Variants in EDIL3 observed in about 807,000 individuals in gnomAD.
EDIL3 encodes EGF like and discoidin domains 3.
Under a neutral mutation model 67.4 loss-of-function variants are expected in EDIL3, and 37 were observed. The observed-to-expected ratio is 0.55, with a 90% CI of 0.42 to 0.72. The LOEUF (loss-of-function observed/expected upper bound fraction) is 0.72, where lower values mean the gene tolerates loss of function less well. Among genes scored for constraint, EDIL3 ranks in the 30% least tolerant of loss-of-function variants. The probability of loss-of-function intolerance (pLI) is 0.00; values close to 1 mark genes in which losing one functional copy is unlikely to be tolerated. For missense variants in EDIL3, 527 were observed against 586.3 expected, an observed-to-expected ratio of 0.90 and a Z score of 1.04; for synonymous variants, 195 against 196.3, an observed-to-expected ratio of 0.99 and a Z score of 0.05.
At chr5:84,060,254 A>G in intron 9 of EDIL3, 46 bp downstream of exon 9, 2 of 1,593,380 alleles carry the variant, frequency 1.3e-6, no homozygotes, top group Non-Finnish European at 1.7e-6. Context: ...GAAATCTTCT[A>G]AGAAAGAGGA....
At chr5:84,218,957 T>C (rs948562674) in intron 3 of EDIL3, among the ~76,000 whole-genome samples, 11 of 152,208 alleles carry the variant, frequency 7.2e-5, no homozygotes, top group African/African-American at 2.7e-4. Flanking sequence ...GACACAAGCC[T>C]GGCTGGCTTT....
At chr5:84,133,830 T>C (rs1453340144) in intron 5 of EDIL3, among the ~76,000 whole-genome samples, 1 of 151,934 alleles carries the variant, frequency 6.6e-6, no homozygotes, top group Non-Finnish European at 1.5e-5. Context: ...TAAAAAAGAA[T>C]TGAGATCTTC....
chr5:84,004,332 C>A (rs867083568), intron 9 of EDIL3, among the ~76,000 whole-genome samples: 3 of 152,004 alleles, frequency 2.0e-5, no homozygotes, highest in Non-Finnish European at 1.5e-5. Context: ...ACCTAACAGA[C>A]AACTGTAGAA....
intron 4 of EDIL3, among the ~76,000 whole-genome samples, chr5:84,146,080 G>A (rs944299606): frequency 6.6e-6 from 1 of 151,978 alleles, no homozygotes; most frequent in Non-Finnish European, 1.5e-5. Flanking sequence ...TCTACATAAG[G>A]TTTAATAATA....
intron 3 of EDIL3, chr5:84,181,066 T>C (rs1749004387): frequency 1.3e-5 from 2 of 152,164 alleles, no homozygotes. Context: ...GCTGCAAAGC[T>C]TTTATAGAGT....
chr5:84,055,246 G>A (rs1189324387), intron 9 of EDIL3, among the ~76,000 whole-genome samples: 1 of 146,446 alleles, frequency 6.8e-6, no homozygotes, highest in Non-Finnish European at 1.5e-5. Context: ...TGGGAAAACT[G>A]GCTAGCCATA....
At chr5:84,276,745 TTTA>T (rs1745589973) in intron 1 of EDIL3, among the ~76,000 whole-genome samples, 1 of 152,004 alleles carries the variant, frequency 6.6e-6, no homozygotes, top group South Asian at 2.1e-4. Context: ...AATTTTTTTT[TTTA>T]TTTTTAGTAG....
rs1277090769 is a variant in EDIL3, at chr5:83,942,416, C to T, written c.*1003G>A. Reference sequence around the variant, plus strand: ...CAAAGAAATGATGAGTATGCTTGGCCAAACTATGCAGCACTATATTAATAT... The same window carrying T: ...CAAAGAAATGATGAGTATGCTTGGCTAAACTATGCAGCACTATATTAATAT... On this transcript the variant is annotated 3_prime_UTR_variant, in exon 11 of 11. Transcript: ENST00000296591. 1 of 151,776 alleles carries T rather than the reference C, an allele frequency of 6.6e-6. No homozygotes were observed. The highest frequency in any genetic ancestry group is 1.9e-4 in the East Asian group (1 of 5,162). 9.4% of individuals were successfully genotyped at this position (151,776 alleles called of 1,614,324 possible). A position where few individuals can be genotyped will look rare whatever the true frequency, so the allele number is the denominator to read the frequency against.
chr5:84,271,566 C>T (rs1745473636), intron 1 of EDIL3, among the ~76,000 whole-genome samples: 1 of 151,908 alleles, frequency 6.6e-6, no homozygotes, highest in African/African-American at 2.4e-5. Context: ...CCCATGAAGC[C>T]CCCAGTCACT....
At chr5:84,210,346 T>C (rs1045720512) in intron 3 of EDIL3, among the ~76,000 whole-genome samples, 1 of 152,120 alleles carries the variant, frequency 6.6e-6, no homozygotes, top group Non-Finnish European at 1.5e-5. Flanking sequence ...ATAAAATATG[T>C]GTATTTTAGT....
At chr5:84,021,578 T>C (rs1745716882) in intron 9 of EDIL3, among the ~76,000 whole-genome samples, 3 of 151,992 alleles carry the variant, frequency 2.0e-5, no homozygotes, top group Admixed American at 2.0e-4. Context: ...TTGATATAAT[T>C]TCAACTTTTA....
chr5:84,244,269 A>C (rs566185065), intron 2 of EDIL3, among the ~76,000 whole-genome samples: 1 of 152,046 alleles, frequency 6.6e-6, no homozygotes, highest in Non-Finnish European at 1.5e-5. Flanking sequence ...CTATCAAAAC[A>C]CTTATGTATT....
chr5:84,382,603 C>T (rs900312371), intron 1 of EDIL3, among the ~76,000 whole-genome samples: 1 of 152,066 alleles, frequency 6.6e-6, no homozygotes, highest in Non-Finnish European at 1.5e-5. Context: ...GAGGGGAGTG[C>T]CTGCAGTCCT....
At chr5:84,134,090 G>T (rs1013610447) in intron 5 of EDIL3, among the ~76,000 whole-genome samples, 1 of 151,960 alleles carries the variant, frequency 6.6e-6, no homozygotes, top group South Asian at 2.1e-4. Flanking sequence ...TTTGCAACAG[G>T]TCATAATAGA....
chr5:84,381,528 G>T (rs1257405506), intron 1 of EDIL3, among the ~76,000 whole-genome samples: 1 of 152,090 alleles, frequency 6.6e-6, no homozygotes, highest in Non-Finnish European at 1.5e-5. Flanking sequence ...TAAAAGGTTA[G>T]TGTTGTTATC....
intron 1 of EDIL3, among the ~76,000 whole-genome samples, chr5:84,363,468 AATTCAAAAATAAGTT>A (rs1351343734): frequency 6.6e-6 from 1 of 151,860 alleles, no homozygotes; most frequent in Non-Finnish European, 1.5e-5. Flanking sequence ...AAAAAGAGCT[AATTCAAAAATAAGTT>A]ATAGTCCATA....
intron 1 of EDIL3, among the ~76,000 whole-genome samples, chr5:84,366,139 A>C (rs1246075789): frequency 6.6e-6 from 1 of 152,134 alleles, no homozygotes; most frequent in Non-Finnish European, 1.5e-5. Context: ...TATATATAAA[A>C]TAAAATAAAG....
At chr5:84,373,763 T>C (rs1478922253) in intron 1 of EDIL3, among the ~76,000 whole-genome samples, 2 of 151,236 alleles carry the variant, frequency 1.3e-5, no homozygotes, top group Non-Finnish European at 2.9e-5. Context: ...GTAGGGTCAG[T>C]AGGAATGAAG....
At chr5:83,945,654 T>C (rs577823989) in intron 10 of EDIL3, among the ~76,000 whole-genome samples, 1 of 151,908 alleles carries the variant, frequency 6.6e-6, no homozygotes, top group East Asian at 1.9e-4. Context: ...ATTATACTTA[T>C]TTCTTTATAA....
Sources: gnomAD v4.1 joint callset for allele counts (sites outside exome capture counted in the v4.1 genomes callset) on GRCh38, gnomAD v4.1.1 for gene constraint, MANE v1.5 for transcripts, NCBI Gene and HGNC (gene_info 2026-07-23, HGNC 2026-07-21) for gene names.